Variants in NEMP2 observed in about 807,000 individuals in gnomAD.
NEMP2 encodes nuclear envelope integral membrane protein 2, also known as UPF0571 transmembrane protein.
In NEMP2, 53 loss-of-function variants were observed where a neutral mutation model predicts 54.2. The ratio of observed to expected loss-of-function variants is 0.98; its 90% CI spans 0.78 to 1.23. The LOEUF (loss-of-function observed/expected upper bound fraction) is 1.23, where lower values mean the gene tolerates loss of function less well. Among genes scored for constraint, NEMP2 ranks in the 50% most tolerant of loss-of-function variants. The pLI is 0.00. For missense variants in NEMP2, 455 were observed against 511.3 expected (o/e 0.89, Z 1.06); for synonymous variants, 197 against 190.3 (o/e 1.04, Z -0.29).
the NEMP2 span, among the ~76,000 whole-genome samples, chr2:190,584,939 G>GAAAGAAAA: frequency 1.4e-4 from 20 of 146,026 alleles, no homozygotes; most frequent in African/African-American, 5.0e-4. The surrounding 1 kb of genome is among the most constrained non-coding windows in gnomAD (Gnocchi z 4.2). Flanking sequence ...AAGAAAGAAA[G>GAAAGAAAA]AAAGAAAGAA....
rs985014307 is a variant in NEMP2, at chr2:190,510,354, G to A, written c.1130+7C>T. The A allele has an allele frequency of 6.4e-7, 1 of 1,551,404 alleles. No homozygotes were observed. Among genetic ancestry groups the A allele is most frequent in the African/African-American group, 1.4e-5 (1 of 72,998 alleles). ...AACTATGGTCCGAGCAGCAGAGCGG[G>A]ACTTACTTGCTAGGAGTGTGGAGTC... On this transcript the variant is annotated splice_region_variant and intron_variant, in intron 8 of 8. Transcript: ENST00000409150. The surrounding 1 kb of genome is among the most constrained non-coding windows in gnomAD (Gnocchi z 5.7).
the NEMP2 span, among the ~76,000 whole-genome samples, chr2:190,470,377 T>C: frequency 6.6e-6 from 1 of 152,220 alleles, no homozygotes; most frequent in East Asian, 1.9e-4. Context: ...TGAGTTCTCT[T>C]TGCTTCAGTG....
the NEMP2 span, among the ~76,000 whole-genome samples, chr2:190,468,076 G>A: frequency 2.0e-5 from 3 of 152,324 alleles, no homozygotes; most frequent in Non-Finnish European, 2.9e-5. Context: ...TGTTCATGTA[G>A]TATATTTTGC....
chr2:190,555,821 T>C, the NEMP2 span, among the ~76,000 whole-genome samples: 1 of 151,942 alleles, frequency 6.6e-6, no homozygotes, highest in African/African-American at 2.4e-5. The surrounding 1 kb of genome is among the most constrained non-coding windows in gnomAD (Gnocchi z 4.8). Context: ...ACAGAGAAAT[T>C]GAGGCAGCAA....
chr2:190,504,952 ATGTCTT>A lies in NEMP2; in HGVS notation c.*4231_*4236del, dbSNP rs1005600503. On this transcript the variant is annotated 3_prime_UTR_variant, in exon 9 of 9. Coordinates refer to ENST00000409150, the MANE Select transcript of NEMP2 (RefSeq NM_001142645.2). This position sits in a 1 kb window ranked among gnomAD's most constrained non-coding sequence, Gnocchi z 5.6. ...CATGATCATCGTGCTTATATTCTGT[ATGTCTT>A]TTCTTTCAAAGATTATTTCATTTTT... is the stretch of plus-strand genomic sequence containing the variant. The A allele has an allele frequency of 3.9e-5, 6 of 152,188 alleles. No individual in the cohort carries two copies. Among genetic ancestry groups the A allele is most frequent in the African/African-American group, 9.7e-5 (4 of 41,448 alleles). The allele number at this position is 152,188 out of a possible 1,614,324, so 9.4% of individuals were successfully genotyped here. A position where few individuals can be genotyped will look rare whatever the true frequency, so the allele number is the denominator to read the frequency against.
At chr2:190,602,463 A>T in the NEMP2 span, among the ~76,000 whole-genome samples, 11 of 152,220 alleles carry the variant, frequency 7.2e-5, no homozygotes, top group Admixed American at 3.9e-4. Flanking sequence ...ACTAATTTTA[A>T]TGTTAATCAC....
chr2:190,514,327 G>T lies in NEMP2; in HGVS notation c.953+126C>A. The T allele has an allele frequency of 1.1e-6, 1 of 940,246 alleles. No homozygotes were observed. The highest frequency in any genetic ancestry group is 1.6e-6 in the Non-Finnish European group (1 of 615,610). The allele number at this position is 940,246 out of a possible 1,614,324, so 58.2% of individuals were successfully genotyped here. A position where few individuals can be genotyped will look rare whatever the true frequency, so the allele number is the denominator to read the frequency against. ...TCTCTACCCCTACACCCCCAATCTT[G>T]CTCAGAATGAAATCTCCAGATCAAA... On this transcript the variant is annotated intron_variant, in intron 7 of 8. Coordinates refer to ENST00000409150, the MANE Select transcript of NEMP2 (RefSeq NM_001142645.2). The surrounding 1 kb of genome is among the most constrained non-coding windows in gnomAD (Gnocchi z 5.7).
the NEMP2 span, chr2:190,629,740 G>A: frequency 6.6e-6 from 1 of 152,196 alleles, no homozygotes; most frequent in South Asian, 2.1e-4. Flanking sequence ...ATCTCAGTTG[G>A]TTCCACTTAC....
At chr2:190,453,759 A>G in the NEMP2 span, among the ~76,000 whole-genome samples, 1 of 152,232 alleles carries the variant, frequency 6.6e-6, no homozygotes, top group South Asian at 2.1e-4. Flanking sequence ...GGAGAAGCAC[A>G]GAACGGAAGA....
chr2:190,511,860 ATT>A (rs983724423), intron 7 of NEMP2, among the ~76,000 whole-genome samples: 1 of 151,448 alleles, frequency 6.6e-6, no homozygotes, highest in Non-Finnish European at 1.5e-5. Flanking sequence ...GGCCTAAAAC[ATT>A]TGTTTTATTT....
At chr2:190,450,038 AAG>A in the NEMP2 span, among the ~76,000 whole-genome samples, 1 of 152,188 alleles carries the variant, frequency 6.6e-6, no homozygotes, top group Non-Finnish European at 1.5e-5. Context: ...AATTAAAAAA[AAG>A]AAAAAGAAAT....
the NEMP2 span, among the ~76,000 whole-genome samples, chr2:190,647,710 C>CTTTTTTTTTTTTTTTTTTT: frequency 6.8e-5 from 7 of 102,380 alleles, no homozygotes; most frequent in Non-Finnish European, 5.6e-5. Flanking sequence ...TCTTCTTCTT[C>CTTTTTTTTTTTTTTTTTTT]TTTTTTTTTT....
the NEMP2 span, among the ~76,000 whole-genome samples, chr2:190,438,176 T>C: frequency 2.0e-4 from 30 of 150,228 alleles, no homozygotes; most frequent in Middle Eastern, 0.017. This position sits in a 1 kb window ranked among gnomAD's most constrained non-coding sequence, Gnocchi z 5.2. Flanking sequence ...TTGAAAATCT[T>C]TCTTCCACCT....
chr2:190,468,453 A>ATT, the NEMP2 span, among the ~76,000 whole-genome samples: 3,214 of 140,008 alleles, frequency 0.023, 42 homozygotes, highest in Non-Finnish European at 0.035. Flanking sequence ...ATAGGAATGA[A>ATT]TTTTTTTTTT....
At chr2:190,432,857 C>CT in the NEMP2 span, among the ~76,000 whole-genome samples, 1 of 146,642 alleles carries the variant, frequency 6.8e-6, no homozygotes, top group Non-Finnish European at 1.5e-5. Context: ...CTCTCTCTCT[C>CT]TTTCACTCAC....
At position 190,531,334 on chromosome 2, in the gene NEMP2, C is replaced by T. The variant is rs148851503; in HGVS notation, c.97+3225G>A. On this transcript the variant is annotated intron_variant, in intron 1 of 8. Coordinates refer to ENST00000409150, the MANE Select transcript of NEMP2 (RefSeq NM_001142645.2). This position sits in a 1 kb window ranked among gnomAD's most constrained non-coding sequence, Gnocchi z 4.7. ...TAGGCTATCCCAGGTTTGCCTCAACCCTCAAGGACTGAGGAGTATCTGTGG... is the reference window on the plus strand; with the variant it reads ...TAGGCTATCCCAGGTTTGCCTCAACTCTCAAGGACTGAGGAGTATCTGTGG... 6.6e-6 allele frequency among the ~76,000 whole-genome samples: 1 copy of T among 152,254 alleles called. No individual in the cohort carries two copies. The highest frequency in any genetic ancestry group is 1.9e-4 in the East Asian group (1 of 5,172).
the NEMP2 span, among the ~76,000 whole-genome samples, chr2:190,578,856 C>T: frequency 2.6e-5 from 4 of 152,096 alleles, no homozygotes; most frequent in Non-Finnish European, 4.4e-5. This position sits in a 1 kb window ranked among gnomAD's most constrained non-coding sequence, Gnocchi z 4.4. Context: ...TGCCAGCTGC[C>T]AGCAAGTCAA....
the NEMP2 span, among the ~76,000 whole-genome samples, chr2:190,639,636 GT>G: frequency 5.6e-4 from 80 of 143,948 alleles, no homozygotes; most frequent in African/African-American, 9.5e-4. Context: ...TTATTGTTGA[GT>G]TTTTTTTTTT....
the NEMP2 span, among the ~76,000 whole-genome samples, chr2:190,425,239 T>G: frequency 1.3e-5 from 2 of 152,378 alleles, no homozygotes; most frequent in East Asian, 3.9e-4. The surrounding 1 kb of genome is among the most constrained non-coding windows in gnomAD (Gnocchi z 4.3). Context: ...AGAAGTTTAT[T>G]TATAGGTTTC....
Sources: allele counts gnomAD v4.1 joint callset (sites outside exome capture counted in the v4.1 genomes callset), GRCh38; gene constraint gnomAD v4.1.1; non-coding constraint Gnocchi (gnomAD v3.1); transcripts MANE v1.5; gene names NCBI Gene and HGNC (gene_info 2026-07-23, HGNC 2026-07-21).